Variants in RYK observed in about 807,000 individuals in gnomAD.
RYK encodes the protein receptor like tyrosine kinase.
RYK carries 21 observed loss-of-function variants against 70.2 expected under a neutral mutation model. The observed-to-expected ratio is 0.30, with a 90% CI of 0.21 to 0.43. The LOEUF (loss-of-function observed/expected upper bound fraction) is 0.43, where lower values mean the gene tolerates loss of function less well. Ranked by LOEUF, RYK falls within the 20% of genes least tolerant of loss-of-function variation. RYK has a pLI of 1.00. For missense variants in RYK, 604 were observed against 753.3 expected (o/e 0.80, Z 2.32); for synonymous variants, 267 against 278.0 (o/e 0.96, Z 0.39).
chr3:134,175,035 G>C (rs77544664), intron 13 of RYK, among the ~76,000 whole-genome samples: 13,890 of 152,214 alleles, frequency 0.091, 1,298 homozygotes, highest in South Asian at 0.32. Context: ...CTATCTCCTA[G>C]TGTTAATAGT....
chr3:134,218,084 C>T (rs907344861), intron 2 of RYK, among the ~76,000 whole-genome samples: 4 of 152,162 alleles, frequency 2.6e-5, no homozygotes, highest in African/African-American at 7.2e-5. Context: ...TTATATTCAA[C>T]CCACTCATTT....
At position 134,248,747 on chromosome 3, in the gene RYK, G is replaced by A. The variant is rs867234515; in HGVS notation, c.232+1676C>T. On this transcript the variant is annotated intron_variant, in intron 1 of 14. Coordinates refer to ENST00000623711, the MANE Select transcript of RYK (RefSeq NM_002958.4). The stretch of plus-strand genomic sequence containing the variant: ...CAGGAAGCAGAGATTGCAGTGAGCC[G>A]AGATCACGCCACTGCACTCCAGCCT... Among the ~76,000 whole-genome samples, 92 of 151,994 alleles carry A rather than the reference G, an allele frequency of 6.1e-4. 1 individual carries two copies. The highest frequency in any genetic ancestry group is 1.9e-3 in the African/African-American group (79 of 41,380).
chr3:134,222,194 T>C (rs924747644), intron 2 of RYK, among the ~76,000 whole-genome samples: 2 of 152,248 alleles, frequency 1.3e-5, no homozygotes, highest in African/African-American at 4.8e-5. Context: ...TGTTGTGTCA[T>C]GTGCTAATCA....
At chr3:134,238,914 AG>A (rs894466211) in intron 1 of RYK, among the ~76,000 whole-genome samples, 12 of 152,226 alleles carry the variant, frequency 7.9e-5, no homozygotes, top group African/African-American at 2.9e-4. Context: ...TTACTGATAA[AG>A]GCTTTTGCCG....
chr3:134,241,297 C>T (rs1346371681), intron 1 of RYK, among the ~76,000 whole-genome samples: 2 of 151,234 alleles, frequency 1.3e-5, no homozygotes, highest in East Asian at 3.9e-4. Flanking sequence ...CTGCAGTGAG[C>T]TGAGATTGCA....
chr3:134,221,742 C>A lies in RYK; in HGVS notation c.354+676G>T, dbSNP rs368720871. 8.9e-4 allele frequency among the ~76,000 whole-genome samples: 136 copies of A among 152,138 alleles called. 1 individual carries two copies. The highest frequency in any genetic ancestry group is 3.2e-3 in the African/African-American group (132 of 41,502). On this transcript the variant is annotated intron_variant, in intron 2 of 14. Coordinates refer to ENST00000623711, the MANE Select transcript of RYK (RefSeq NM_002958.4). ...TTTATTTCCTGAATAAAATCCTATT[C>A]AAAAGCCTATATAAAGCTGATAAAA...
intron 13 of RYK, among the ~76,000 whole-genome samples, chr3:134,162,603 A>G (rs1317331368): frequency 1.3e-5 from 2 of 152,192 alleles, no homozygotes; most frequent in Non-Finnish European, 1.5e-5. Flanking sequence ...CAAATTAATA[A>G]AAGTTAAAGG....
At chr3:134,170,621 T>G (rs1336382363) in intron 13 of RYK, 1 of 154,752 alleles carries the variant, frequency 6.5e-6, no homozygotes, top group Non-Finnish European at 1.4e-5. Context: ...AAAAGTACAC[T>G]GAGAAGTGGA....
intron 1 of RYK, among the ~76,000 whole-genome samples, chr3:134,241,145 G>C (rs2015314556): frequency 7.0e-6 from 1 of 142,826 alleles, no homozygotes. Context: ...GACCAGTCTG[G>C]CCAACATGGT....
intron 5 of RYK, among the ~76,000 whole-genome samples, chr3:134,206,117 T>A (rs1354639719): frequency 1.3e-5 from 2 of 152,192 alleles, no homozygotes; most frequent in Non-Finnish European, 2.9e-5. Flanking sequence ...TTTCTTTCTT[T>A]TCAGAAATAT....
intron 1 of RYK, among the ~76,000 whole-genome samples, chr3:134,237,315 C>T (rs2015220765): frequency 6.6e-6 from 1 of 152,102 alleles, no homozygotes; most frequent in South Asian, 2.1e-4. Context: ...TAAAAGCCAC[C>T]TTTATAGCAC....
chr3:134,182,618 T>C (rs956566212), intron 10 of RYK, among the ~76,000 whole-genome samples: 4 of 152,190 alleles, frequency 2.6e-5, no homozygotes, highest in African/African-American at 9.7e-5. Flanking sequence ...GAAGATTTAT[T>C]CATGTTTATT....
chr3:134,223,144 C>A (rs2014791772), intron 1 of RYK, among the ~76,000 whole-genome samples: 1 of 152,188 alleles, frequency 6.6e-6, no homozygotes, highest in African/African-American at 2.4e-5. Flanking sequence ...TTCATGGTAT[C>A]TGCAGGACAC....
chr3:134,198,602 G>A (rs1377470872), intron 6 of RYK, among the ~76,000 whole-genome samples: 2 of 152,180 alleles, frequency 1.3e-5, no homozygotes, highest in Non-Finnish European at 2.9e-5. Flanking sequence ...CCGCAAGTGG[G>A]CCAGAGTGAG....
chr3:134,197,785 T>C (rs2013860775), intron 6 of RYK, among the ~76,000 whole-genome samples: 1 of 152,226 alleles, frequency 6.6e-6, no homozygotes, highest in Non-Finnish European at 1.5e-5. Context: ...AAGTACTTCT[T>C]AAGTATTATC....
At chr3:134,213,791 C>G (rs2014471985) in intron 2 of RYK, among the ~76,000 whole-genome samples, 2 of 152,124 alleles carry the variant, frequency 1.3e-5, no homozygotes. Flanking sequence ...TGCAAATCCC[C>G]TCTACTTTGA....
At chr3:134,229,851 C>T (rs1452812465) in intron 1 of RYK, among the ~76,000 whole-genome samples, 5 of 152,124 alleles carry the variant, frequency 3.3e-5, no homozygotes, top group African/African-American at 1.2e-4. Flanking sequence ...ATGAACACCA[C>T]AGTGAGAGCC....
At chr3:134,219,143 C>A (rs1049395245) in intron 2 of RYK, among the ~76,000 whole-genome samples, 1 of 152,046 alleles carries the variant, frequency 6.6e-6, no homozygotes, top group African/African-American at 2.4e-5. Flanking sequence ...TACAGCTATA[C>A]CAAGGCTTCT....
At position 134,208,934 on chromosome 3, in the gene RYK, C is replaced by G. The variant is rs184196245; in HGVS notation, c.589+761G>C. Among the ~76,000 whole-genome samples, 14 of 151,994 alleles carry G rather than the reference C, an allele frequency of 9.2e-5. No homozygotes were observed. In the East Asian group the frequency reaches 2.5e-3, roughly 27 times the overall value. On this transcript the variant is annotated intron_variant, in intron 4 of 14. Coordinates refer to ENST00000623711, the MANE Select transcript of RYK (RefSeq NM_002958.4). Reference sequence around the variant, plus strand: ...TTTTTTAAAGTATATTTCCCCCCCCCATCTTAGATACTAACCAATTCTACC... The same window carrying G: ...TTTTTTAAAGTATATTTCCCCCCCCGATCTTAGATACTAACCAATTCTACC...
Sources: gnomAD v4.1 joint callset for allele counts (sites outside exome capture counted in the v4.1 genomes callset) on GRCh38, gnomAD v4.1.1 for gene constraint, MANE v1.5 for transcripts, NCBI Gene and HGNC (gene_info 2026-07-23, HGNC 2026-07-21) for gene names.